The following CHN1 variants were observed in gnomAD, a reference collection of about 807,000 sequenced individuals.
CHN1 encodes N-chimaerin.
CHN1 carries 37 observed loss-of-function variants against 59.5 expected under a neutral mutation model. The ratio of observed to expected loss-of-function variants is 0.62; its 90% CI spans 0.48 to 0.82. The LOEUF (loss-of-function observed/expected upper bound fraction) is 0.82, where lower values mean the gene tolerates loss of function less well. Among genes scored for constraint, CHN1 ranks in the 40% least tolerant of loss-of-function variants. The pLI is 0.00. For missense variants in CHN1, 469 were observed against 571.0 expected (o/e 0.82, Z 1.82); for synonymous variants, 206 against 200.4 (o/e 1.03, Z -0.24).
At chr2:174,998,302 C>CAAAAAA (rs34770658) in intron 1 of CHN1, among the ~76,000 whole-genome samples, 3 of 48,756 alleles carry the variant, frequency 6.2e-5, no homozygotes, top group African/African-American at 8.6e-5. Flanking sequence ...GACTCTGTCT[C>CAAAAAA]AAAAAAAAAA....
chr2:174,874,356 A>T (rs1434635759), intron 6 of CHN1, among the ~76,000 whole-genome samples: 1 of 152,210 alleles, frequency 6.6e-6, no homozygotes, highest in Non-Finnish European at 1.5e-5. Flanking sequence ...GCTTCTCAAG[A>T]TGCTGCAATT....
At chr2:174,947,845 G>T (rs995649788) in intron 2 of CHN1, among the ~76,000 whole-genome samples, 1 of 152,024 alleles carries the variant, frequency 6.6e-6, no homozygotes, top group East Asian at 1.9e-4. Flanking sequence ...CTATCAAAAA[G>T]ATCATTAAAA....
chr2:174,847,622 T>G, intron 6 of CHN1: 1 of 1,317,458 alleles, frequency 7.6e-7, no homozygotes, highest in South Asian at 1.3e-5. Context: ...AGGGAGGGAT[T>G]TCACAAGGAA....
At position 174,995,687 on chromosome 2, in the gene CHN1, C is replaced by T. The variant is rs1168257761; in HGVS notation, c.19+9207G>A. On this transcript the variant is annotated intron_variant, in intron 1 of 12. Transcript: ENST00000409900. ...GTCTGCTGCTCACCTGCTGTGTGGC[C>T]CAGTTCCTAAAAGGCCACCAACCAG... 3.9e-5 allele frequency among the ~76,000 whole-genome samples: 6 copies of T among 152,260 alleles called. No individual in the cohort carries two copies. The East Asian group carries it at 9.7e-4, about 24-fold the overall frequency.
At chr2:174,889,571 A>T (rs1687987995) in intron 5 of CHN1, among the ~76,000 whole-genome samples, 1 of 152,200 alleles carries the variant, frequency 6.6e-6, no homozygotes, top group South Asian at 2.1e-4. Context: ...ATAGCTGAAG[A>T]ATACAATAAA....
intron 6 of CHN1, among the ~76,000 whole-genome samples, chr2:174,869,056 G>A (rs1251195655): frequency 1.3e-5 from 2 of 152,130 alleles, no homozygotes; most frequent in African/African-American, 4.8e-5. Context: ...GAAGAGCAAA[G>A]GTATAGTCAA....
chr2:174,926,882 C>G (rs1213365249), intron 3 of CHN1, among the ~76,000 whole-genome samples: 1 of 151,846 alleles, frequency 6.6e-6, no homozygotes, highest in African/African-American at 2.4e-5. Context: ...CTCAGCCTCC[C>G]GAGTAGCTGG....
chr2:174,847,474 AATG>A, intron 6 of CHN1: 4 of 1,178,890 alleles, frequency 3.4e-6, no homozygotes, highest in Non-Finnish European at 3.2e-6. Context: ...AATTTTGACA[AATG>A]ATACATTTCT....
intron 5 of CHN1, among the ~76,000 whole-genome samples, chr2:174,884,639 A>G (rs1318310943): frequency 6.6e-6 from 1 of 152,200 alleles, no homozygotes; most frequent in African/African-American, 2.4e-5. Context: ...GTGTGATTAT[A>G]TGTACCAGCA....
chr2:174,865,527 T>C (rs980963469), intron 6 of CHN1, among the ~76,000 whole-genome samples: 3 of 152,158 alleles, frequency 2.0e-5, no homozygotes, highest in Admixed American at 2.0e-4. Flanking sequence ...CCTAAAAGAC[T>C]GCATTAAAGA....
intron 5 of CHN1, among the ~76,000 whole-genome samples, chr2:174,910,573 T>C (rs940208838): frequency 2.9e-4 from 44 of 152,200 alleles, no homozygotes; most frequent in African/African-American, 1.0e-3. Flanking sequence ...ATGATACAAA[T>C]TTGTTGAGTT....
chr2:174,812,453 A>T lies in CHN1; in HGVS notation c.742T>A (p.Ser248Thr). The change falls in exon 9 of 13, where the codon TCC becomes ACC. Residue 248 changes from serine to threonine, a missense_variant. By Grantham distance (58) the Ser-to-Thr change is moderately conservative (BLOSUM62 1). Transcript: ENST00000409900. ...DCGLNVHKQC[S>T]KMVPNDCKPD... ...TTACAGTCATTTGGGACCATCTTGG[A>T]ACACTGCTTATGAACATTCAAACCA... The T allele has an allele frequency of 6.2e-7, 1 of 1,614,002 alleles. No individual in the cohort carries two copies. The highest frequency in any genetic ancestry group is 8.5e-7 in the Non-Finnish European group (1 of 1,179,864).
At chr2:174,825,038 A>AT (rs1164647552) in intron 7 of CHN1, among the ~76,000 whole-genome samples, 4 of 152,228 alleles carry the variant, frequency 2.6e-5, no homozygotes, top group African/African-American at 9.6e-5. Context: ...AATCAGACCA[A>AT]TATTCTGTAA....
At chr2:174,917,853 G>C (rs1016947114) in intron 4 of CHN1, among the ~76,000 whole-genome samples, 1 of 152,156 alleles carries the variant, frequency 6.6e-6, no homozygotes, top group East Asian at 1.9e-4. Flanking sequence ...GAGATTATGA[G>C]TGATTTTTAT....
At chr2:174,845,342 T>C (rs1022280602) in intron 7 of CHN1, among the ~76,000 whole-genome samples, 3 of 152,162 alleles carry the variant, frequency 2.0e-5, no homozygotes, top group Admixed American at 1.3e-4. Flanking sequence ...ACCCAAAGAC[T>C]TCTTTTTTGA....
intron 1 of CHN1, among the ~76,000 whole-genome samples, chr2:174,962,394 C>T (rs1199380194): frequency 6.6e-6 from 1 of 152,062 alleles, no homozygotes; most frequent in Non-Finnish European, 1.5e-5. Flanking sequence ...AGAACAGCAG[C>T]TTGTTCAAAG....
intron 1 of CHN1, among the ~76,000 whole-genome samples, chr2:174,989,211 A>G (rs1374286495): frequency 6.6e-6 from 1 of 151,886 alleles, no homozygotes; most frequent in Non-Finnish European, 1.5e-5. Flanking sequence ...CCCCGTCTCC[A>G]CTAAAAATAC....
chr2:174,936,349 A>C (rs2105394199), intron 3 of CHN1, among the ~76,000 whole-genome samples: 1 of 152,354 alleles, frequency 6.6e-6, no homozygotes, highest in African/African-American at 2.4e-5. Flanking sequence ...GTCCAGTGCC[A>C]AATACACTGT....
chr2:174,994,704 G>C (rs1691650906), intron 1 of CHN1, among the ~76,000 whole-genome samples: 1 of 152,052 alleles, frequency 6.6e-6, no homozygotes. Context: ...TAGAGGTGAG[G>C]GCAAAGAAGG....
Sources: gnomAD v4.1 joint callset for allele counts (sites outside exome capture counted in the v4.1 genomes callset) on GRCh38, gnomAD v4.1.1 for gene constraint, MANE v1.5 for transcripts, NCBI Gene and HGNC (gene_info 2026-07-23, HGNC 2026-07-21) for gene names.